TBC1D14: variants seen among roughly 807,000 people sequenced by gnomAD.
The protein encoded by TBC1D14 is TBC1 domain family, member 14.
In TBC1D14, 26 loss-of-function variants were observed where a neutral mutation model predicts 79.0. The observed-to-expected ratio is 0.33, with a 90% CI of 0.24 to 0.46. The LOEUF (loss-of-function observed/expected upper bound fraction) is 0.46. Among genes scored for constraint, TBC1D14 ranks in the 20% least tolerant of loss-of-function variants. The pLI, the probability that TBC1D14 is intolerant of heterozygous loss-of-function variation, is 1.00. For missense variants in TBC1D14, 769 were observed against 887.6 expected, an observed-to-expected ratio of 0.87 and a Z score of 1.70; for synonymous variants, 394 against 349.9, an observed-to-expected ratio of 1.13 and a Z score of -1.40.
intron 1 of TBC1D14, among the ~76,000 whole-genome samples, chr4:6,922,002 A>C (rs1723904864): frequency 6.6e-6 from 1 of 152,058 alleles, no homozygotes. Flanking sequence ...GCCATGCCAG[A>C]GAACTTTAGA....
intron 3 of TBC1D14, among the ~76,000 whole-genome samples, chr4:6,985,464 A>G (rs1198641878): frequency 2.6e-5 from 4 of 152,240 alleles, no homozygotes; most frequent in African/African-American, 9.6e-5. Flanking sequence ...TAAGAGATAA[A>G]ACTTATGCCA....
chr4:6,944,443 T>C (rs73799034), intron 2 of TBC1D14, among the ~76,000 whole-genome samples: 2,619 of 152,290 alleles, frequency 0.017, 83 homozygotes, highest in African/African-American at 0.058. Flanking sequence ...ATGATTTCCT[T>C]AGGACCGAGT....
At chr4:6,970,440 A>T (rs1171425979) in intron 3 of TBC1D14, among the ~76,000 whole-genome samples, 1 of 152,256 alleles carries the variant, frequency 6.6e-6, no homozygotes, top group African/African-American at 2.4e-5. Flanking sequence ...CATAGAAAGT[A>T]TTTGCTGTTA....
intron 12 of TBC1D14, among the ~76,000 whole-genome samples, chr4:7,023,061 C>T (rs997224257): frequency 1.5e-4 from 23 of 151,968 alleles, no homozygotes; most frequent in Non-Finnish European, 2.9e-4. Flanking sequence ...CAAGACCAGC[C>T]GGGCCAAGAT....
Position 6,923,464 on chromosome 4 carries a change from C to T in TBC1D14, c.75C>T (p.Asn25=), listed in dbSNP as rs778473001. The change falls in exon 2 of 14, where the codon AAC becomes AAT. Residue 25 remains asparagine (N), a synonymous_variant. Transcript: ENST00000409757. ...GTATTCTGGATGGTCGACCAGGAAA[C>T]CCCCTTCAGAACCTGCAACACGTCA... ...FMGILDGRPG[N]PLQNLQHVNL... is the part of the protein sequence containing the mutation. 2 of 1,614,172 alleles carry T rather than the reference C, an allele frequency of 1.2e-6. No individual in the cohort carries two copies. The highest frequency in any genetic ancestry group is 1.7e-6 in the Non-Finnish European group (2 of 1,180,036).
chr4:6,963,252 T>C (rs911812507), intron 2 of TBC1D14, among the ~76,000 whole-genome samples: 1 of 152,218 alleles, frequency 6.6e-6, no homozygotes, highest in Admixed American at 6.5e-5. Context: ...CTCTGTTCTG[T>C]CTCCTGTGAG....
At chr4:6,939,432 C>T (rs1450093265) in intron 2 of TBC1D14, among the ~76,000 whole-genome samples, 2 of 151,910 alleles carry the variant, frequency 1.3e-5, no homozygotes, top group African/African-American at 2.4e-5. Flanking sequence ...CAGAAGCATG[C>T]GCACCCCTCG....
At position 6,999,150 on chromosome 4, in the gene TBC1D14, G is replaced by A. The variant is rs1355669309; in HGVS notation, c.1111G>A (p.Gly371Arg). The part of the protein sequence containing the change: ...EERCRVEESI[G>R]NAVLTWNNEI... Reference sequence around the variant, plus strand: ...AAGATGCAGAGTCGAGGAAAGCATTGGAAACGCTGTGCTCACCTGGAATAA... The same window carrying A: ...AAGATGCAGAGTCGAGGAAAGCATTAGAAACGCTGTGCTCACCTGGAATAA... Residue 371 changes from glycine (G) to arginine (R), a missense_variant, in exon 6 of 14, where the codon GGA becomes AGA. Around this residue, in one of 2 missense-constraint regions of TBC1D14, gnomAD observed 367 missense variants for 494.4 expected, o/e 0.74. Transcript: ENST00000409757. 6.2e-7 allele frequency: 1 copy of A among 1,614,146 alleles called. No individual in the cohort carries two copies. The highest frequency in any genetic ancestry group is 8.5e-7 in the Non-Finnish European group (1 of 1,180,002).
intron 3 of TBC1D14, among the ~76,000 whole-genome samples, chr4:6,978,397 G>A (rs1046823132): frequency 4.0e-5 from 6 of 150,654 alleles, no homozygotes; most frequent in African/African-American, 9.9e-5. Context: ...TCTGTACTAA[G>A]GAAAATTCTT....
At chr4:6,991,202 G>A (rs551207516) in intron 3 of TBC1D14, among the ~76,000 whole-genome samples, 2 of 152,328 alleles carry the variant, frequency 1.3e-5, no homozygotes, top group African/African-American at 2.4e-5. Flanking sequence ...TTGACCCTGC[G>A]TCTCTGCTGA....
intron 2 of TBC1D14, among the ~76,000 whole-genome samples, chr4:6,959,451 G>A (rs1392585015): frequency 6.6e-6 from 1 of 152,180 alleles, no homozygotes; most frequent in African/African-American, 2.4e-5. Context: ...TCTCTGCTGG[G>A]CCTTCCCCCG....
intron 13 of TBC1D14, among the ~76,000 whole-genome samples, chr4:7,029,177 C>G (rs186207082): frequency 2.6e-5 from 4 of 152,322 alleles, no homozygotes; most frequent in Admixed American, 2.6e-4. Context: ...TTATGTTGAG[C>G]CAGCAACCCC....
intron 11 of TBC1D14, among the ~76,000 whole-genome samples, chr4:7,013,587 C>CCCTCCTTT (rs1245705762): frequency 1.3e-5 from 2 of 152,192 alleles, no homozygotes; most frequent in African/African-American, 4.8e-5. Flanking sequence ...GGCTGTAACG[C>CCCTCCTTT]CCTCCTTTCC....
chr4:6,958,436 T>G (rs1339106776), intron 2 of TBC1D14, among the ~76,000 whole-genome samples: 1 of 150,350 alleles, frequency 6.7e-6, no homozygotes, highest in Non-Finnish European at 1.5e-5. Flanking sequence ...ATGCTTTATT[T>G]ATTTTTTTGA....
intron 2 of TBC1D14, among the ~76,000 whole-genome samples, chr4:6,963,719 T>C (rs534133790): frequency 6.6e-6 from 1 of 152,206 alleles, no homozygotes; most frequent in African/African-American, 2.4e-5. Flanking sequence ...AAAAAATATA[T>C]CAACATGCTT....
chr4:7,010,610 T>G, intron 10 of TBC1D14, 43 bp from the exon 11 acceptor site: 1 of 1,599,656 alleles, frequency 6.3e-7, no homozygotes, highest in Non-Finnish European at 8.5e-7. Context: ...ACGGTGACCC[T>G]GTGGCCACTG....
At chr4:6,963,397 G>A (rs1467286910) in intron 2 of TBC1D14, among the ~76,000 whole-genome samples, 1 of 152,224 alleles carries the variant, frequency 6.6e-6, no homozygotes, top group Non-Finnish European at 1.5e-5. Context: ...CACCAGTGTG[G>A]TCTCCCTGTC....
rs1033404552 is a variant in TBC1D14 at position 6,999,081 on chromosome 4, C to A, written c.1046-4C>A. The A allele has an allele frequency of 6.2e-7, 1 of 1,613,750 alleles. No individual in the cohort carries two copies. ...TTGTTGTTTTTCTAAATTGTGATTTCTAGAGCTGAAAGAAGCCCAGCGAAG... is the reference window on the plus strand; with the variant it reads ...TTGTTGTTTTTCTAAATTGTGATTTATAGAGCTGAAAGAAGCCCAGCGAAG... On this transcript the variant is annotated splice_region_variant and splice_polypyrimidine_tract_variant and intron_variant, in intron 5 of 13. Coordinates refer to ENST00000409757, the MANE Select transcript of TBC1D14 (RefSeq NM_020773.3).
At chr4:7,007,440 C>A in intron 9 of TBC1D14, 1 of 789,902 alleles carries the variant, frequency 1.3e-6, no homozygotes, top group Non-Finnish European at 1.8e-6. Context: ...CCTTTCTTAT[C>A]TATAACGGGT....
Sources: allele counts gnomAD v4.1 joint callset (sites outside exome capture counted in the v4.1 genomes callset), GRCh38; gene constraint gnomAD v4.1.1; regional missense constraint gnomAD v4.1.1; transcripts MANE v1.5; gene names NCBI Gene and HGNC (gene_info 2026-07-23, HGNC 2026-07-21).